Variants in LRRTM4 observed in about 807,000 individuals in gnomAD.
LRRTM4 encodes the protein leucine-rich repeat transmembrane neuronal protein 4.
LRRTM4 carries 25 observed loss-of-function variants against 47.6 expected under a neutral mutation model. The ratio of observed to expected loss-of-function variants is 0.53; its 90% CI spans 0.38 to 0.73. The LOEUF (loss-of-function observed/expected upper bound fraction) is 0.73, where lower values mean the gene tolerates loss of function less well. Ranked by LOEUF, LRRTM4 falls within the 30% of genes least tolerant of loss-of-function variation. The probability of loss-of-function intolerance (pLI) is 0.00; values close to 1 mark genes in which losing one functional copy is unlikely to be tolerated. For synonymous variants in LRRTM4, 311 were observed against 269.5 expected, an observed-to-expected ratio of 1.15 and a Z score of -1.51; for missense variants, 638 against 713.4, an observed-to-expected ratio of 0.89 and a Z score of 1.20.
rs921755992 is a variant in LRRTM4 at position 76,827,272 on chromosome 2, A to G, written c.1552-78356T>C. On this transcript the variant is annotated intron_variant, in intron 3 of 3. Transcript: ENST00000409884. The stretch of plus-strand genomic sequence containing the variant: ...TGTGGACATTTTAGATAGCAAGGTT[A>G]GTCTCTCAGGACCTAATTATTTCTG... Among the ~76,000 whole-genome samples, 3 of 151,848 alleles carry G rather than the reference A, an allele frequency of 2.0e-5. No homozygotes were observed. The Admixed American group carries it at 2.0e-4, about 10-fold the overall frequency.
chr2:77,278,709 C>G (rs1405850060), intron 3 of LRRTM4, among the ~76,000 whole-genome samples: 2 of 151,964 alleles, frequency 1.3e-5, no homozygotes, highest in African/African-American at 4.8e-5. Flanking sequence ...AGAGATAAAG[C>G]TACCTCACTC....
At chr2:76,941,485 C>T (rs1192810686) in intron 3 of LRRTM4, among the ~76,000 whole-genome samples, 1 of 151,886 alleles carries the variant, frequency 6.6e-6, no homozygotes, top group African/African-American at 2.4e-5. Flanking sequence ...CCCCAACAAC[C>T]CCCAGTATGT....
intron 3 of LRRTM4, among the ~76,000 whole-genome samples, chr2:77,388,953 AT>A (rs1387948114): frequency 4.6e-5 from 7 of 152,092 alleles, no homozygotes; most frequent in Non-Finnish European, 2.9e-5. Flanking sequence ...TAATATAACC[AT>A]TTCACTAAAG....
intron 3 of LRRTM4, among the ~76,000 whole-genome samples, chr2:77,178,258 A>G (rs1054811337): frequency 1.3e-5 from 2 of 152,180 alleles, no homozygotes; most frequent in African/African-American, 4.8e-5. Context: ...GGTGAACAAT[A>G]TGTATAAATT....
intron 3 of LRRTM4, among the ~76,000 whole-genome samples, chr2:77,332,628 A>G (rs770330085): frequency 1.3e-5 from 2 of 152,188 alleles, no homozygotes; most frequent in Admixed American, 1.3e-4. Flanking sequence ...TAATCAGATT[A>G]TAGCCCCAAA....
chr2:77,470,626 C>T (rs941550404), intron 3 of LRRTM4, among the ~76,000 whole-genome samples: 2 of 152,048 alleles, frequency 1.3e-5, no homozygotes, highest in African/African-American at 2.4e-5. Flanking sequence ...TAAAAATGCA[C>T]CCTGGTACCA....
intron 3 of LRRTM4, among the ~76,000 whole-genome samples, chr2:77,449,662 G>A (rs890782400): frequency 9.2e-5 from 14 of 152,112 alleles, no homozygotes; most frequent in Admixed American, 3.3e-4. Context: ...GGGACTATAC[G>A]GAATACACTG....
intron 3 of LRRTM4, among the ~76,000 whole-genome samples, chr2:77,466,618 T>A (rs1229094665): frequency 6.6e-6 from 1 of 151,838 alleles, no homozygotes; most frequent in Non-Finnish European, 1.5e-5. Context: ...GCCAACCCAA[T>A]AAAATTCCAA....
intron 3 of LRRTM4, among the ~76,000 whole-genome samples, chr2:77,351,116 A>G (rs1490064914): frequency 6.6e-6 from 1 of 152,064 alleles, no homozygotes; most frequent in African/African-American, 2.4e-5. Flanking sequence ...GTTCCTCTCT[A>G]TGTGCTCACG....
intron 3 of LRRTM4, among the ~76,000 whole-genome samples, chr2:77,247,495 C>G (rs563490517): frequency 6.6e-6 from 1 of 152,164 alleles, no homozygotes; most frequent in South Asian, 2.1e-4. Context: ...AAATAATAGG[C>G]CTATTTGTTC....
Position 76,922,053 on chromosome 2 carries a change from A to G in LRRTM4, c.1552-173137T>C, listed in dbSNP as rs148995955. Among the ~76,000 whole-genome samples, 14 of 152,258 alleles carry G rather than the reference A, an allele frequency of 9.2e-5. No homozygotes were observed. The East Asian group carries it at 1.2e-3, about 13-fold the overall frequency. ...GAAATGTGACATATACATAAACGCA[A>G]TATCATTCAGCCTTAAAAAAGAAAT... On this transcript the variant is annotated intron_variant, in intron 3 of 3. Coordinates refer to ENST00000409884, the MANE Select transcript of LRRTM4 (RefSeq NM_001134745.3).
At chr2:76,784,925 A>C (rs1195449104) in intron 3 of LRRTM4, among the ~76,000 whole-genome samples, 1 of 152,164 alleles carries the variant, frequency 6.6e-6, no homozygotes, top group Non-Finnish European at 1.5e-5. Context: ...GTTCGAATAG[A>C]GATTCACAAT....
intron 3 of LRRTM4, among the ~76,000 whole-genome samples, chr2:77,045,132 C>T (rs534456810): frequency 6.6e-6 from 1 of 151,892 alleles, no homozygotes; most frequent in Admixed American, 6.6e-5. Flanking sequence ...GTTTACCCAG[C>T]ACAAATCTAG....
At chr2:76,807,022 C>T (rs982870854) in intron 3 of LRRTM4, among the ~76,000 whole-genome samples, 3 of 152,030 alleles carry the variant, frequency 2.0e-5, no homozygotes, top group South Asian at 2.1e-4. Context: ...AATTTAAAAA[C>T]ATTTTTGTAA....
intron 3 of LRRTM4, among the ~76,000 whole-genome samples, chr2:76,858,596 T>C (rs1558697113): frequency 2.0e-5 from 3 of 152,134 alleles, no homozygotes; most frequent in Non-Finnish European, 2.9e-5. Context: ...GTAGGTAAAA[T>C]AGCTTGTTCA....
intron 3 of LRRTM4, among the ~76,000 whole-genome samples, chr2:77,034,104 CATATA>C (rs1311576718): frequency 1.3e-5 from 2 of 151,478 alleles, no homozygotes; most frequent in Admixed American, 1.3e-4. Flanking sequence ...CTTAAAATAG[CATATA>C]ATAAGATTTT....
At chr2:77,013,615 C>A (rs1189383120) in intron 3 of LRRTM4, among the ~76,000 whole-genome samples, 3 of 151,852 alleles carry the variant, frequency 2.0e-5, no homozygotes, top group African/African-American at 7.3e-5. Context: ...ATACGAGTTA[C>A]AATAGTCTTT....
intron 3 of LRRTM4, among the ~76,000 whole-genome samples, chr2:76,778,712 C>G (rs1244548053): frequency 1.3e-5 from 2 of 151,290 alleles, no homozygotes; most frequent in African/African-American, 4.9e-5. Context: ...AAAAAACCAG[C>G]TCCTGGATTC....
chr2:76,929,468 T>C (rs1386377850), intron 3 of LRRTM4, among the ~76,000 whole-genome samples: 1 of 152,126 alleles, frequency 6.6e-6, no homozygotes, highest in Non-Finnish European at 1.5e-5. Context: ...CCCATCGGAG[T>C]TGGGTTCAAG....
Sources: allele counts gnomAD v4.1 joint callset (sites outside exome capture counted in the v4.1 genomes callset), GRCh38; gene constraint gnomAD v4.1.1; transcripts MANE v1.5; gene names NCBI Gene and HGNC (gene_info 2026-07-23, HGNC 2026-07-21).